Variants in TRAF6 observed in about 807,000 individuals in gnomAD.
TRAF6 encodes the protein TNF receptor-associated factor 6.
Under a neutral mutation model 48.4 loss-of-function variants are expected in TRAF6, and 10 were observed. That is an observed-to-expected ratio of 0.21 (90% CI 0.13 to 0.35). The LOEUF (loss-of-function observed/expected upper bound fraction) is 0.35. Among genes scored for constraint, TRAF6 ranks in the 10% least tolerant of loss-of-function variants. The pLI is 1.00. For missense variants in TRAF6, 397 were observed against 661.0 expected (o/e 0.60, Z 4.38); for synonymous variants, 186 against 219.6 (o/e 0.85, Z 1.35).
chr11:36,509,373 C>A (rs974877935), intron 1 of TRAF6, among the ~76,000 whole-genome samples: 1 of 151,942 alleles, frequency 6.6e-6, no homozygotes, highest in Non-Finnish European at 1.5e-5. Flanking sequence ...GGAACAATCG[C>A]TCGAACTACC....
At chr11:36,498,456 A>G (rs374325441) in intron 3 of TRAF6, 34 bp downstream of exon 3, 35 of 1,585,954 alleles carry the variant, frequency 2.2e-5, no homozygotes, top group Non-Finnish European at 2.6e-5. Flanking sequence ...TTCCTTTTAT[A>G]CATGTGCTAA....
At chr11:36,494,394 A>T (rs1026949167) in intron 5 of TRAF6, among the ~76,000 whole-genome samples, 1 of 152,048 alleles carries the variant, frequency 6.6e-6, no homozygotes, top group African/African-American at 2.4e-5. Flanking sequence ...AAACCCCACC[A>T]TATAATTTTC....
chr11:36,489,617 A>T lies in TRAF6; in HGVS notation c.*221T>A. 1.7e-6 allele frequency: 1 copy of T among 571,776 alleles called. No individual in the cohort carries two copies. The highest frequency in any genetic ancestry group is 3.0e-6 in the Non-Finnish European group (1 of 327,930). The allele number at this position is 571,776 out of a possible 1,614,324, so 35.4% of individuals were successfully genotyped here. A position where few individuals can be genotyped will look rare whatever the true frequency, so the allele number is the denominator to read the frequency against. ...TGCTGCAACATGCCACAGGCACTTC[A>T]GGCCTAACATTTCTGAAAAAGCATG... On this transcript the variant is annotated 3_prime_UTR_variant, in exon 7 of 7. Coordinates refer to ENST00000526995, the MANE Select transcript of TRAF6 (RefSeq NM_004620.4).
rs192872060 is a variant in TRAF6, at chr11:36,485,510, G to A, written c.*4328C>T. Among the ~76,000 whole-genome samples the A allele has an allele frequency of 3.9e-5, 6 of 152,226 alleles. No individual in the cohort carries two copies. Among genetic ancestry groups the A allele is most frequent in the Non-Finnish European group, 5.9e-5 (4 of 68,020 alleles). On this transcript the variant is annotated 3_prime_UTR_variant, in exon 7 of 7. Transcript: ENST00000526995. ...CAGAGCTGCAGACAGTAAGAGCAGA[G>A]GCACATGCCCCAACTTCCCCATCTT...
At chr11:36,499,728 A>C (rs907790576) in intron 2 of TRAF6, among the ~76,000 whole-genome samples, 26 of 152,124 alleles carry the variant, frequency 1.7e-4, no homozygotes, top group Admixed American at 1.4e-3. Context: ...AATTAAGCCA[A>C]GTCCCGAGTA....
intron 2 of TRAF6, 135 bp from the exon 3 acceptor site, chr11:36,498,775 T>A (rs368464214): frequency 1.1e-6 from 1 of 925,264 alleles, no homozygotes. Context: ...ATATTGCAGG[T>A]CACCAAAACA....
In TRAF6 at chr11:36,497,176, T is replaced by C. The variant is rs1859649254; in HGVS notation, c.538A>G (p.Lys180Glu). The C allele has an allele frequency of 6.2e-7, 1 of 1,613,928 alleles. No individual in the cohort carries two copies. The highest frequency in any genetic ancestry group is 1.7e-5 in the Admixed American group (1 of 59,992). Residue 180 changes from lysine to glutamate, a missense_variant, in exon 4 of 7, where the codon AAG becomes GAG. Around this residue, in one of 4 missense-constraint regions of TRAF6, gnomAD observed 245 missense variants for 349.1 expected, o/e 0.70. Transcript: ENST00000526995. Reference sequence around the variant, plus strand: ...GAAACCTGTCTCCTTGGACAATCCTTCAGAATGTGAATATTAATATGGAAT... The same window carrying C: ...GAAACCTGTCTCCTTGGACAATCCTCCAGAATGTGAATATTAATATGGAAT... ...QKFHINIHIL[K>E]DCPRRQVSCD...
At chr11:36,491,161 A>T (rs200255812) in intron 6 of TRAF6, among the ~76,000 whole-genome samples, 8 of 144,918 alleles carry the variant, frequency 5.5e-5, no homozygotes, top group Admixed American at 6.8e-5. Flanking sequence ...CATTTTTTTT[A>T]AAGTCAAGAA....
At chr11:36,501,592 C>A in intron 1 of TRAF6, 55 bp from the exon 2 acceptor site, 2 of 1,276,168 alleles carry the variant, frequency 1.6e-6, no homozygotes, top group Non-Finnish European at 1.1e-6. Flanking sequence ...CACTCACACC[C>A]CACACATATA....
At chr11:36,506,813 GCTTT>G (rs1182192933) in intron 1 of TRAF6, among the ~76,000 whole-genome samples, 9 of 152,198 alleles carry the variant, frequency 5.9e-5, no homozygotes, top group East Asian at 3.9e-4. Flanking sequence ...CAATCCAGAA[GCTTT>G]CTATTTTCCA....
intron 3 of TRAF6, 54 bp from the exon 4 acceptor site, chr11:36,497,320 T>A: frequency 6.6e-7 from 1 of 1,525,960 alleles, no homozygotes. Flanking sequence ...GTCTTCTACA[T>A]ATAAGCTCTC....
chr11:36,497,727 C>G (rs1323513819), intron 3 of TRAF6, among the ~76,000 whole-genome samples: 1 of 152,066 alleles, frequency 6.6e-6, no homozygotes, highest in African/African-American at 2.4e-5. Context: ...TTCTGTTAAT[C>G]TGAAACTATA....
intron 6 of TRAF6, 100 bp downstream of exon 6, chr11:36,492,451 C>T (rs2133666561): frequency 9.9e-7 from 1 of 1,014,616 alleles, no homozygotes; most frequent in African/African-American, 1.6e-5. Context: ...TATTACACTG[C>T]TTTACAACTA....
intron 1 of TRAF6, among the ~76,000 whole-genome samples, chr11:36,505,615 G>C (rs1427546367): frequency 1.3e-5 from 2 of 152,154 alleles, no homozygotes; most frequent in Non-Finnish European, 2.9e-5. Flanking sequence ...TGAGTTCACT[G>C]GAGTACCACT....
intron 1 of TRAF6, among the ~76,000 whole-genome samples, chr11:36,502,765 A>G (rs567767754): frequency 6.6e-6 from 1 of 152,300 alleles, no homozygotes; most frequent in East Asian, 1.9e-4. Flanking sequence ...AATGATACGA[A>G]TTTAACTCTT....
At chr11:36,503,459 G>C (rs1315306086) in intron 1 of TRAF6, among the ~76,000 whole-genome samples, 2 of 152,022 alleles carry the variant, frequency 1.3e-5, no homozygotes, top group Non-Finnish European at 2.9e-5. Flanking sequence ...TAATTTTTGT[G>C]TTTAGTAGAG....
intron 5 of TRAF6, among the ~76,000 whole-genome samples, chr11:36,494,619 C>A (rs2133668506): frequency 6.7e-6 from 1 of 149,162 alleles, no homozygotes; most frequent in South Asian, 2.1e-4. Flanking sequence ...ATCCTCATTT[C>A]ACAGTGTGTA....
At chr11:36,497,884 ATTT>A (rs796280710) in intron 3 of TRAF6, among the ~76,000 whole-genome samples, 9 of 137,930 alleles carry the variant, frequency 6.5e-5, no homozygotes, top group Admixed American at 1.5e-4. Flanking sequence ...TGACACTTGT[ATTT>A]TTTTTTTTTT....
intron 1 of TRAF6, among the ~76,000 whole-genome samples, chr11:36,503,331 G>A (rs1859742782): frequency 6.9e-6 from 1 of 143,978 alleles, no homozygotes; most frequent in Admixed American, 7.1e-5. Flanking sequence ...GTCTCACTCT[G>A]TCGCTCAGGC....
Sources: gnomAD v4.1 joint callset for allele counts (sites outside exome capture counted in the v4.1 genomes callset) on GRCh38, gnomAD v4.1.1 for gene constraint, gnomAD v4.1.1 regional missense constraint, MANE v1.5 for transcripts, NCBI Gene and HGNC (gene_info 2026-07-23, HGNC 2026-07-21) for gene names.